The following ACO1 variants were observed in gnomAD, a reference collection of about 807,000 sequenced individuals.
ACO1 encodes the protein aconitase 1.
ACO1 carries 78 observed loss-of-function variants against 105.1 expected under a neutral mutation model. That is an observed-to-expected ratio of 0.74 (90% CI 0.62 to 0.90). The LOEUF (loss-of-function observed/expected upper bound fraction) is 0.90, where lower values mean the gene tolerates loss of function less well. Among genes scored for constraint, ACO1 ranks in the 40% least tolerant of loss-of-function variants. The pLI is 0.00. For synonymous variants in ACO1, 364 were observed against 397.4 expected (o/e 0.92, Z 1.00); for missense variants, 965 against 1,111.1 (o/e 0.87, Z 1.87).
chr9:32,450,083 A>C lies in ACO1; in HGVS notation c.2642A>C (p.Asn881Thr), dbSNP rs1469896322. ...TATTTCCTCAACGGGGGCATCCTCA[A>C]CTACATGATCCGCAAGATGGCCAAG... ...LTYFLNGGIL[N>T]YMIRKMAK Residue 881 changes from asparagine (N) to threonine (T), a missense_variant, in exon 21 of 21, where the codon AAC becomes ACC. Physicochemically the swap from Asn to Thr is moderately conservative, Grantham distance 65. Transcript: ENST00000309951. 1 of 1,613,870 alleles carries C rather than the reference A, an allele frequency of 6.2e-7. No individual in the cohort carries two copies. The highest frequency in any genetic ancestry group is 8.5e-7 in the Non-Finnish European group (1 of 1,180,006).
At chr9:32,400,108 C>T (rs1821462712) in intron 1 of ACO1, among the ~76,000 whole-genome samples, 1 of 151,234 alleles carries the variant, frequency 6.6e-6, no homozygotes, top group Admixed American at 6.6e-5. Context: ...GTAGCTGGGA[C>T]TCCAGGTGTG....
chr9:32,427,293 T>G lies in ACO1; in HGVS notation c.1349-8T>G. ...TCCCACACTGCATCTGTGTTTACCA[T>G]TTCACAGGATTGTTAGCAAAGAAAG... is the stretch of plus-strand genomic sequence containing the variant. On this transcript the variant is annotated splice_region_variant and splice_polypyrimidine_tract_variant and intron_variant, in intron 11 of 20. Coordinates refer to ENST00000309951, the MANE Select transcript of ACO1 (RefSeq NM_002197.3). 2 of 1,614,062 alleles carry G rather than the reference T, an allele frequency of 1.2e-6. No individual in the cohort carries two copies. The highest frequency in any genetic ancestry group is 1.7e-6 in the Non-Finnish European group (2 of 1,179,968).
At chr9:32,406,976 G>A (rs1411904463) in intron 2 of ACO1, among the ~76,000 whole-genome samples, 2 of 152,096 alleles carry the variant, frequency 1.3e-5, no homozygotes, top group Non-Finnish European at 2.9e-5. Flanking sequence ...TAGAGATGGA[G>A]TTTCACCATG....
intron 4 of ACO1, among the ~76,000 whole-genome samples, chr9:32,409,575 G>A (rs542863285): frequency 1.0e-3 from 154 of 152,268 alleles, no homozygotes; most frequent in African/African-American, 3.6e-3. Flanking sequence ...CGTTGGCCAC[G>A]TGCAGTGGCT....
rs754798739 is a variant in ACO1 at position 32,429,398 on chromosome 9, T to C, written c.1485-21T>C. 9.9e-6 allele frequency: 16 copies of C among 1,610,870 alleles called. No homozygotes were observed. The Admixed American group carries it at 1.8e-4, about 18-fold the overall frequency. On this transcript the variant is annotated intron_variant, in intron 12 of 20. Coordinates refer to ENST00000309951, the MANE Select transcript of ACO1 (RefSeq NM_002197.3). The stretch of plus-strand genomic sequence containing the variant: ...AAGTTATTCTTTTTTTGTGTGTGTG[T>C]GCTTCTCTCTTGGTGTCTAGGTTTG...
chr9:32,431,664 A>C, intron 14 of ACO1, 55 bp from the exon 15 acceptor site: 1 of 1,599,934 alleles, frequency 6.3e-7, no homozygotes, highest in Non-Finnish European at 8.6e-7. Flanking sequence ...ACTCTGTATA[A>C]TCATGAAAAT....
intron 12 of ACO1, among the ~76,000 whole-genome samples, 177 bp from the exon 13 acceptor site, chr9:32,429,242 A>G (rs1193750529): frequency 3.3e-5 from 5 of 152,176 alleles, no homozygotes; most frequent in Non-Finnish European, 7.4e-5. Flanking sequence ...TAGTATTCTT[A>G]TGTTATATAT....
At chr9:32,448,583 T>C (rs2118586419) in intron 19 of ACO1, among the ~76,000 whole-genome samples, 1 of 152,322 alleles carries the variant, frequency 6.6e-6, no homozygotes, top group South Asian at 2.1e-4. Flanking sequence ...GTACAGTCTC[T>C]CATGGCTTCC....
Position 32,423,357 on chromosome 9 carries a change from C to T in ACO1, c.1009C>T (p.Leu337Phe). ...AAAATTAAAGTATATTAAAAAATATCTTCAGGCTGTAGGAATGTTTCGAGA... is the reference window on the plus strand; with the variant it reads ...AAAATTAAAGTATATTAAAAAATATTTTCAGGCTGTAGGAATGTTTCGAGA... ...EEKLKYIKKY[L>F]QAVGMFRDFN... The change falls in exon 9 of 21, where the codon CTT becomes TTT. Residue 337 changes from leucine (L) to phenylalanine (F), a missense_variant. Coordinates refer to ENST00000309951, the MANE Select transcript of ACO1 (RefSeq NM_002197.3). The T allele has an allele frequency of 1.3e-6, 2 of 1,596,242 alleles. No individual in the cohort carries two copies. The highest frequency in any genetic ancestry group is 1.7e-6 in the Non-Finnish European group (2 of 1,174,318).
At chr9:32,437,673 G>C (rs1327593929) in intron 18 of ACO1, among the ~76,000 whole-genome samples, 1 of 152,118 alleles carries the variant, frequency 6.6e-6, no homozygotes, top group Non-Finnish European at 1.5e-5. Context: ...AGGATGAACA[G>C]ACATTTGAGT....
Position 32,424,431 on chromosome 9 carries a change from T to C in ACO1, c.1072-118T>C, listed in dbSNP as rs80153424. ...ACACTGGCTTCCTTGTTTTGGAATG[T>C]GGTAGTTTATTTGCTTATTTTTATG... On this transcript the variant is annotated intron_variant, in intron 9 of 20. Transcript: ENST00000309951. The C allele has an allele frequency of 4.3e-4, 292 of 677,134 alleles. 1 individual carries two copies. In the African/African-American group the frequency reaches 5.0e-3, roughly 12 times the overall value. The allele number at this position is 677,134 out of a possible 1,614,324, so 41.9% of individuals were successfully genotyped here.
chr9:32,387,612 GA>G (rs1038837469), intron 1 of ACO1, among the ~76,000 whole-genome samples: 1 of 151,980 alleles, frequency 6.6e-6, no homozygotes, highest in Admixed American at 6.6e-5. Context: ...TTTTGATAAG[GA>G]AAAAAATCTG....
Position 32,386,794 on chromosome 9 carries a change from A to G in ACO1, c.-23+2059A>G, listed in dbSNP as rs115275543. 3.7e-3 allele frequency among the ~76,000 whole-genome samples: 554 copies of G among 151,754 alleles called. 3 individuals are homozygous for G. Among genetic ancestry groups the G allele is most frequent in the African/African-American group, 0.013 (535 of 41,518 alleles). On this transcript the variant is annotated intron_variant, in intron 1 of 20. Transcript: ENST00000309951. ...TGGGGTCTCATTCCTTCATTCTTTC[A>G]GTAGATTTTTATTGGCCACCTATTT...
chr9:32,418,130 C>A lies in ACO1; in HGVS notation c.407C>A (p.Ala136Glu). ...CATTTAATTTTTCTCTCTGACAGGG[C>A]AGACAGTTTACAGAAGAATCAAGAC... ...HSIQVDFNRR[A>E]DSLQKNQDLE... Residue 136 changes from alanine (A) to glutamate (E), a missense_variant and splice_region_variant, in exon 5 of 21, where the codon GCA (alanine) becomes GAA (glutamate). Physicochemically the swap from Ala to Glu is moderately radical, Grantham distance 107. Coordinates refer to ENST00000309951, the MANE Select transcript of ACO1 (RefSeq NM_002197.3). The A allele has an allele frequency of 2.5e-6, 4 of 1,613,936 alleles. No homozygotes were observed. Among genetic ancestry groups the A allele is most frequent in the Non-Finnish European group, 3.4e-6 (4 of 1,179,850 alleles).
At chr9:32,436,010 A>AAGACAATTAACCCAGGAGAATACTG in intron 17 of ACO1, 1 of 663,002 alleles carries the variant, frequency 1.5e-6, no homozygotes, top group Non-Finnish European at 2.8e-6. Context: ...CCAGATTTGA[A>AAGACAATTAACCCAGGAGAATACTG]AGACAATTAA....
intron 3 of ACO1, among the ~76,000 whole-genome samples, 199 bp from the exon 4 acceptor site, chr9:32,408,315 C>G (rs1821659379): frequency 6.6e-6 from 1 of 152,144 alleles, no homozygotes; most frequent in South Asian, 2.1e-4. Context: ...AGATACCACC[C>G]AGTCATGGTA....
chr9:32,402,774 A>G (rs1215798390), intron 1 of ACO1, among the ~76,000 whole-genome samples: 1 of 152,228 alleles, frequency 6.6e-6, no homozygotes, highest in Non-Finnish European at 1.5e-5. Flanking sequence ...TCTTGGAGTT[A>G]CTAAACCAGG....
intron 19 of ACO1, among the ~76,000 whole-genome samples, chr9:32,448,581 T>C (rs1822676070): frequency 6.6e-6 from 1 of 152,196 alleles, no homozygotes; most frequent in Non-Finnish European, 1.5e-5. Context: ...TGGTACAGTC[T>C]CTCATGGCTT....
chr9:32,436,154 T>G, intron 17 of ACO1, 96 bp from the exon 18 acceptor site: 1 of 1,488,850 alleles, frequency 6.7e-7, no homozygotes, highest in Non-Finnish European at 9.3e-7. Context: ...CAGGTCTATG[T>G]TTTGTTTTGT....
Sources: gnomAD v4.1 joint callset for allele counts (sites outside exome capture counted in the v4.1 genomes callset) on GRCh38, gnomAD v4.1.1 for gene constraint, MANE v1.5 for transcripts, NCBI Gene and HGNC (gene_info 2026-07-23, HGNC 2026-07-21) for gene names.